PRKG1: variants seen among roughly 807,000 people sequenced by gnomAD.
The protein encoded by PRKG1 is protein kinase cGMP-dependent 1, also known as cGMP-dependent protein kinase 1.
PRKG1 carries 35 observed loss-of-function variants against 88.1 expected under a neutral mutation model. That is an observed-to-expected ratio of 0.40 (90% CI 0.30 to 0.53). PRKG1 has a LOEUF of 0.53. Ranked by LOEUF, PRKG1 falls within the 20% of genes least tolerant of loss-of-function variation. The probability of loss-of-function intolerance (pLI) is 0.59; values close to 1 mark genes in which losing one functional copy is unlikely to be tolerated. For synonymous variants in PRKG1, 303 were observed against 292.5 expected, an observed-to-expected ratio of 1.04 and a Z score of -0.37; for missense variants, 540 against 839.8, an observed-to-expected ratio of 0.64 and a Z score of 4.41.
rs1167219822 is a variant in PRKG1 at position 51,843,093 on chromosome 10, CT to C, written c.698+38426del. On this transcript the variant is annotated intron_variant, in intron 4 of 17. Transcript: ENST00000373980. Reference sequence around the variant, plus strand: ...TTTATTTAAATTTAGGAAAATTATTCTTTTTTTTTTTTTTTTTTTTTTTGAG... The same window carrying C: ...TTTATTTAAATTTAGGAAAATTATTCTTTTTTTTTTTTTTTTTTTTTTGAG... 9.9e-3 allele frequency among the ~76,000 whole-genome samples: 870 copies of C among 87,908 alleles called. 5 individuals are homozygous for C. Among genetic ancestry groups the C allele is most frequent in the East Asian group, 0.043 (128 of 2,944 alleles). The allele number at this position is 87,908 out of a possible 152,430, so 57.7% of individuals were successfully genotyped here. A position where few individuals can be genotyped will look rare whatever the true frequency, so the allele number is the denominator to read the frequency against.
At chr10:52,209,439 T>G (rs765315079) in intron 9 of PRKG1, among the ~76,000 whole-genome samples, 7 of 152,186 alleles carry the variant, frequency 4.6e-5, no homozygotes, top group Non-Finnish European at 8.8e-5. Context: ...AGGCTGGATT[T>G]TACCTTGAGT....
chr10:51,969,205 A>G (rs1333868299), intron 5 of PRKG1, among the ~76,000 whole-genome samples: 1 of 152,176 alleles, frequency 6.6e-6, no homozygotes, highest in Non-Finnish European at 1.5e-5. Flanking sequence ...ACAATTTTTC[A>G]GTAGCAAATG....
In PRKG1 at chr10:51,392,685, T is replaced by C. The variant is rs867749927; in HGVS notation, c.479-75038T>C. On this transcript the variant is annotated intron_variant, in intron 2 of 17. Coordinates refer to ENST00000373980, the MANE Select transcript of PRKG1 (RefSeq NM_006258.4). ...CGGGGTGGTGGCTGGGCAGAGGGGC[T>C]CCTCACTTCCCAGTAGGGGCGGCCG... Among the ~76,000 whole-genome samples the C allele has an allele frequency of 7.9e-3, 1,204 of 151,496 alleles. 10 individuals carry two copies. Among genetic ancestry groups the C allele is most frequent in the Non-Finnish European group, 0.011 (765 of 67,750 alleles).
intron 2 of PRKG1, among the ~76,000 whole-genome samples, chr10:51,269,498 AT>A (rs1178606085): frequency 6.6e-6 from 1 of 152,210 alleles, no homozygotes; most frequent in African/African-American, 2.4e-5. Flanking sequence ...GATAAAGAAA[AT>A]ATATTATGTA....
At chr10:52,052,202 A>T (rs1035713441) in intron 5 of PRKG1, among the ~76,000 whole-genome samples, 2 of 152,072 alleles carry the variant, frequency 1.3e-5, no homozygotes, top group African/African-American at 4.8e-5. Flanking sequence ...TTTCCAGTGG[A>T]TGGAGCTATT....
intron 2 of PRKG1, among the ~76,000 whole-genome samples, chr10:51,288,099 AT>A (rs1240406701): frequency 2.2e-5 from 3 of 136,014 alleles, no homozygotes; most frequent in Non-Finnish European, 4.5e-5. Flanking sequence ...CTGCTAGAGG[AT>A]TTTTTTCTTC....
chr10:51,146,957 T>C (rs1845960231), intron 1 of PRKG1, among the ~76,000 whole-genome samples: 1 of 152,166 alleles, frequency 6.6e-6, no homozygotes, highest in South Asian at 2.1e-4. Flanking sequence ...AGAATACTAT[T>C]TAGCCATAAA....
At chr10:51,991,346 A>T (rs1230516560) in intron 5 of PRKG1, among the ~76,000 whole-genome samples, 3 of 152,100 alleles carry the variant, frequency 2.0e-5, no homozygotes, top group Non-Finnish European at 2.9e-5. Context: ...TAATTGCTAT[A>T]AAAATGGTGA....
chr10:51,934,012 T>C (rs181961536), intron 5 of PRKG1, among the ~76,000 whole-genome samples: 1 of 152,294 alleles, frequency 6.6e-6, no homozygotes, highest in East Asian at 1.9e-4. Context: ...AGATTATTTA[T>C]GTGTATAAAT....
intron 5 of PRKG1, among the ~76,000 whole-genome samples, chr10:51,993,769 A>T (rs1386237454): frequency 6.6e-6 from 1 of 152,192 alleles, no homozygotes; most frequent in East Asian, 1.9e-4. Flanking sequence ...TTTGATTTAC[A>T]TGACAATTGT....
intron 2 of PRKG1, among the ~76,000 whole-genome samples, chr10:51,372,607 A>G (rs1842726817): frequency 6.6e-6 from 1 of 152,206 alleles, no homozygotes; most frequent in African/African-American, 2.4e-5. Context: ...TTCAACATTT[A>G]TCACTAAGTA....
At chr10:51,982,917 G>A (rs1020236346) in intron 5 of PRKG1, among the ~76,000 whole-genome samples, 1 of 151,440 alleles carries the variant, frequency 6.6e-6, no homozygotes, top group Non-Finnish European at 1.5e-5. Flanking sequence ...GAGGCAGCAT[G>A]GCTCAAGGGG....
intron 9 of PRKG1, among the ~76,000 whole-genome samples, chr10:52,218,179 C>T: frequency 6.9e-6 from 1 of 145,712 alleles, no homozygotes; most frequent in Non-Finnish European, 1.5e-5. Context: ...CCACTGCACG[C>T]TAGCCTGGGT....
chr10:52,114,557 A>ACTATATATATATACATAT (rs1554805858), intron 7 of PRKG1, among the ~76,000 whole-genome samples: 18 of 149,956 alleles, frequency 1.2e-4, no homozygotes, highest in African/African-American at 4.0e-4. Flanking sequence ...TAATATGCTG[A>ACTATATATATATACATAT]ATATATATAT....
intron 3 of PRKG1, among the ~76,000 whole-genome samples, chr10:51,604,695 C>CAAGGGG (rs1838709378): frequency 6.6e-6 from 1 of 152,230 alleles, no homozygotes; most frequent in Non-Finnish European, 1.5e-5. Flanking sequence ...GTGTGGCTCA[C>CAAGGGG]TTCTTCGGTG....
intron 2 of PRKG1, among the ~76,000 whole-genome samples, chr10:51,458,632 G>T (rs1317691352): frequency 6.6e-6 from 1 of 152,096 alleles, no homozygotes; most frequent in African/African-American, 2.4e-5. Flanking sequence ...GCATCCAAGA[G>T]CAGTGAAGCC....
intron 9 of PRKG1, among the ~76,000 whole-genome samples, chr10:52,179,102 A>T (rs1301628266): frequency 1.4e-5 from 2 of 139,870 alleles, no homozygotes; most frequent in African/African-American, 2.6e-5. Flanking sequence ...TCCCTTGTTT[A>T]TTTTTGTGGT....
intron 2 of PRKG1, among the ~76,000 whole-genome samples, chr10:51,385,083 T>G (rs1033225451): frequency 9.8e-5 from 15 of 152,338 alleles, no homozygotes; most frequent in African/African-American, 3.6e-4. Flanking sequence ...TTTTCATTAG[T>G]ATGTATTGAA....
chr10:51,809,390 G>A (rs903499933), intron 4 of PRKG1, among the ~76,000 whole-genome samples: 4 of 151,950 alleles, frequency 2.6e-5, no homozygotes, highest in African/African-American at 9.7e-5. Flanking sequence ...TGTCATCTTT[G>A]GCTACTAAAA....
Sources: allele counts gnomAD v4.1 joint callset (sites outside exome capture counted in the v4.1 genomes callset), GRCh38; gene constraint gnomAD v4.1.1; transcripts MANE v1.5; gene names NCBI Gene and HGNC (gene_info 2026-07-23, HGNC 2026-07-21).